Variants in SAMMSON observed in about 807,000 individuals in gnomAD.
SAMMSON encodes the protein long intergenic non-protein coding RNA 1212.
chr3:70,363,554 G>A (rs1355754909), intron 9 of SAMMSON, among the ~76,000 whole-genome samples: 1 of 152,010 alleles, frequency 6.6e-6, no homozygotes, highest in Non-Finnish European at 1.5e-5. Context: ...AATAGAGGAG[G>A]TAATCCCATT....
intron 4 of SAMMSON, among the ~76,000 whole-genome samples, chr3:70,111,960 T>C (rs2067391520): frequency 6.6e-6 from 1 of 152,006 alleles, no homozygotes; most frequent in Non-Finnish European, 1.5e-5. Flanking sequence ...AAAGGTAGAA[T>C]GAGAAGGTCC....
At chr3:70,250,467 A>C (rs1418023574) in intron 6 of SAMMSON, among the ~76,000 whole-genome samples, 1 of 151,226 alleles carries the variant, frequency 6.6e-6, no homozygotes, top group African/African-American at 2.4e-5. Context: ...AAACCTCAGA[A>C]TGATTTCCAA....
intron 3 of SAMMSON, among the ~76,000 whole-genome samples, chr3:70,040,294 T>C (rs2067101368): frequency 6.6e-6 from 1 of 152,142 alleles, no homozygotes; most frequent in Non-Finnish European, 1.5e-5. Flanking sequence ...CAATTTAAAA[T>C]CATATGAGGC....
At position 70,126,142 on chromosome 3, in the gene SAMMSON, T is replaced by C. The variant is rs1576128630; in HGVS notation, n.507+54577T>C. On this transcript the variant is annotated intron_variant and non_coding_transcript_variant, in intron 4 of 9. Transcript: ENST00000642114. ...TGTGCTGGAAGGTGGTGGGTACATA[T>C]ACTTGAGGCATGAATTAAGAAAAGT... is the stretch of plus-strand genomic sequence containing the variant. The C allele has an allele frequency of 9.5e-6, 12 of 1,258,054 alleles. No individual in the cohort carries two copies. In the East Asian group the frequency reaches 2.5e-4, roughly 26 times the overall value. 77.9% of individuals were successfully genotyped at this position (1,258,054 alleles called of 1,614,324 possible).
downstream of SAMMSON, among the ~76,000 whole-genome samples, chr3:70,390,754 C>A (rs776088234): frequency 3.0e-4 from 46 of 151,880 alleles, no homozygotes; most frequent in African/African-American, 1.1e-3. Context: ...GGACATATAT[C>A]CAAACTATGT....
intron 2 of SAMMSON, among the ~76,000 whole-genome samples, chr3:70,406,765 A>C (rs1701181252): frequency 1.3e-5 from 2 of 152,228 alleles, no homozygotes; most frequent in Admixed American, 1.3e-4. Context: ...AATTCTAAGA[A>C]GGAACAACCA....
chr3:70,267,349 C>T (rs941984492), intron 6 of SAMMSON, among the ~76,000 whole-genome samples: 1 of 146,292 alleles, frequency 6.8e-6, no homozygotes, highest in Non-Finnish European at 1.5e-5. Flanking sequence ...CCTACCTTTA[C>T]AGGATTATAG....
chr3:70,363,777 T>A (rs1355994070), intron 9 of SAMMSON, among the ~76,000 whole-genome samples: 1 of 149,644 alleles, frequency 6.7e-6, no homozygotes, highest in Admixed American at 6.7e-5. Context: ...AAGCTGTTTT[T>A]TACAGTTGTG....
chr3:70,144,499 C>G (rs939321821), intron 4 of SAMMSON, among the ~76,000 whole-genome samples: 1 of 152,158 alleles, frequency 6.6e-6, no homozygotes, highest in African/African-American at 2.4e-5. Flanking sequence ...GCATGTATTT[C>G]AAGTTCATAT....
chr3:70,399,429 G>T (rs973008027), intron 2 of SAMMSON, among the ~76,000 whole-genome samples: 2 of 152,174 alleles, frequency 1.3e-5, no homozygotes, highest in East Asian at 1.9e-4. Flanking sequence ...GGACATGACC[G>T]TATTTTATAG....
intron 2 of SAMMSON, among the ~76,000 whole-genome samples, chr3:70,430,315 G>C (rs1559588091): frequency 6.6e-6 from 1 of 152,192 alleles, no homozygotes; most frequent in Admixed American, 6.5e-5. Context: ...CAGGGATGAA[G>C]CTGGCTTGAT....
At chr3:70,257,876 GT>G (rs1701831556) in intron 6 of SAMMSON, among the ~76,000 whole-genome samples, 1 of 152,102 alleles carries the variant, frequency 6.6e-6, no homozygotes, top group Non-Finnish European at 1.5e-5. Flanking sequence ...GATTTCCAAA[GT>G]TGCAATAAAG....
intron 7 of SAMMSON, among the ~76,000 whole-genome samples, chr3:70,336,726 C>A (rs1364248053): frequency 6.6e-6 from 1 of 151,454 alleles, no homozygotes; most frequent in Non-Finnish European, 1.5e-5. Context: ...TTATTTTCAT[C>A]AATGTCCATA....
chr3:70,127,420 A>G (rs1430898551), intron 4 of SAMMSON, among the ~76,000 whole-genome samples: 2 of 152,202 alleles, frequency 1.3e-5, no homozygotes, highest in Non-Finnish European at 2.9e-5. Flanking sequence ...TGGATGGCAG[A>G]CAAGAGGCCA....
chr3:70,001,780 T>A (rs1393163291), intron 1 of SAMMSON, among the ~76,000 whole-genome samples: 1 of 152,120 alleles, frequency 6.6e-6, no homozygotes, highest in East Asian at 1.9e-4. Context: ...CTCAAGCAGA[T>A]CCAGAGTTAC....
At chr3:70,361,021 T>C (rs551866866) in intron 9 of SAMMSON, among the ~76,000 whole-genome samples, 2 of 152,224 alleles carry the variant, frequency 1.3e-5, no homozygotes, top group South Asian at 2.1e-4. Flanking sequence ...ATGAGGTAGG[T>C]ACTTAACCAT....
intron 4 of SAMMSON, among the ~76,000 whole-genome samples, chr3:70,077,459 G>C (rs1011315563): frequency 3.9e-5 from 6 of 151,970 alleles, no homozygotes; most frequent in African/African-American, 1.2e-4. Flanking sequence ...TGTTTCCTTG[G>C]GAATAAAGAG....
chr3:70,017,287 T>G (rs1336458555), intron 3 of SAMMSON, among the ~76,000 whole-genome samples: 1 of 152,172 alleles, frequency 6.6e-6, no homozygotes, highest in Non-Finnish European at 1.5e-5. Context: ...TAGTTCTCCT[T>G]GAAGAGGTCC....
chr3:70,017,381 C>T (rs1272895608), intron 3 of SAMMSON, among the ~76,000 whole-genome samples: 6 of 151,720 alleles, frequency 4.0e-5, no homozygotes, highest in African/African-American at 1.5e-4. Context: ...TGATTTGGCT[C>T]TCTGTCTGTT....
Sources: allele counts gnomAD v4.1 joint callset (sites outside exome capture counted in the v4.1 genomes callset), GRCh38; gene constraint gnomAD v4.1.1; transcripts MANE v1.5; gene names NCBI Gene and HGNC (gene_info 2026-07-23, HGNC 2026-07-21).